RERE: variants seen among roughly 807,000 people sequenced by gnomAD.
RERE encodes arginine-glutamic acid dipeptide repeats.
In RERE, 40 loss-of-function variants were observed where a neutral mutation model predicts 146.1. That is an observed-to-expected ratio of 0.27 (90% CI 0.21 to 0.36). The LOEUF is 0.36. Ranked by LOEUF, RERE falls within the 10% of genes least tolerant of loss-of-function variation. The probability of loss-of-function intolerance (pLI) is 1.00; values close to 1 mark genes in which losing one functional copy is unlikely to be tolerated. For synonymous variants in RERE, 1,003 were observed against 866.0 expected (o/e 1.16, Z -2.78); for missense variants, 1,933 against 2,138.7 (o/e 0.90, Z 1.90).
chr1:8,737,322 G>C (rs1461231064), intron 1 of RERE, among the ~76,000 whole-genome samples: 3 of 152,166 alleles, frequency 2.0e-5, no homozygotes, highest in Non-Finnish European at 4.4e-5. Flanking sequence ...AGAGAAAAAG[G>C]AAAATAACAT....
chr1:8,683,438 G>A (rs1010322994), intron 1 of RERE, among the ~76,000 whole-genome samples: 3 of 152,032 alleles, frequency 2.0e-5, no homozygotes, highest in African/African-American at 2.4e-5. Flanking sequence ...GAGAAAAGAC[G>A]GGGAGGGATG....
At chr1:8,732,944 C>G (rs1406288587) in intron 1 of RERE, among the ~76,000 whole-genome samples, 1 of 150,952 alleles carries the variant, frequency 6.6e-6, no homozygotes, top group African/African-American at 2.4e-5. Flanking sequence ...GCCTCAGCCT[C>G]CCGAGTAGCT....
chr1:8,547,086 TTA>T (rs1491385081), intron 6 of RERE, among the ~76,000 whole-genome samples: 19 of 109,768 alleles, frequency 1.7e-4, no homozygotes, highest in African/African-American at 2.7e-4. Context: ...AGCTTTTTTT[TTA>T]AAAAAAAAAA....
intron 11 of RERE, chr1:8,429,796 A>T (rs1485085655): frequency 6.6e-6 from 1 of 152,598 alleles, no homozygotes; most frequent in African/African-American, 2.4e-5. Flanking sequence ...TTCTGCACAA[A>T]ATTTTATGTT....
chr1:8,685,545 C>T (rs1639067513), intron 1 of RERE, among the ~76,000 whole-genome samples: 1 of 152,116 alleles, frequency 6.6e-6, no homozygotes, highest in African/African-American at 2.4e-5. Flanking sequence ...CACGGTGAAA[C>T]CCTGTCTCTA....
intron 2 of RERE, among the ~76,000 whole-genome samples, chr1:8,653,372 T>C (rs1031631609): frequency 1.3e-5 from 2 of 152,204 alleles, no homozygotes; most frequent in African/African-American, 4.8e-5. Flanking sequence ...AATAAAAAAG[T>C]AAATCTTTCC....
At chr1:8,444,229 CA>C (rs1308418219) in intron 11 of RERE, among the ~76,000 whole-genome samples, 1 of 152,250 alleles carries the variant, frequency 6.6e-6, no homozygotes, top group Non-Finnish European at 1.5e-5. Flanking sequence ...CAAATGGAGT[CA>C]AGGGCTATTT....
At chr1:8,606,713 A>G (rs1326089129) in intron 4 of RERE, among the ~76,000 whole-genome samples, 1 of 152,208 alleles carries the variant, frequency 6.6e-6, no homozygotes, top group African/African-American at 2.4e-5. Context: ...TGTTTCTTGA[A>G]AATAGGTTAC....
chr1:8,579,391 C>T (rs1383271399), intron 4 of RERE, among the ~76,000 whole-genome samples: 1 of 152,120 alleles, frequency 6.6e-6, no homozygotes. Flanking sequence ...TAAAAATTAG[C>T]TATAGAGGGA....
intron 4 of RERE, among the ~76,000 whole-genome samples, chr1:8,575,534 AATATATAT>A (rs67724601): frequency 6.1e-5 from 7 of 114,074 alleles, no homozygotes; most frequent in South Asian, 2.9e-4. Context: ...TGGCTAATTT[AATATATAT>A]ATATATATAT....
At chr1:8,547,212 A>G (rs958162156) in intron 6 of RERE, among the ~76,000 whole-genome samples, 1 of 152,306 alleles carries the variant, frequency 6.6e-6, no homozygotes, top group East Asian at 1.9e-4. Context: ...CACATAGACA[A>G]TAGAACAACA....
At chr1:8,676,318 G>T (rs899133757) in intron 1 of RERE, among the ~76,000 whole-genome samples, 1 of 152,076 alleles carries the variant, frequency 6.6e-6, no homozygotes, top group Non-Finnish European at 1.5e-5. Context: ...TACTGATGGG[G>T]TTTCAGAAAA....
At chr1:8,532,434 A>AG (rs1645668433) in intron 7 of RERE, among the ~76,000 whole-genome samples, 1 of 102,230 alleles carries the variant, frequency 9.8e-6, no homozygotes, top group Non-Finnish European at 2.1e-5. Context: ...GGGTCCGGGG[A>AG]GGGGGGAGAC....
At chr1:8,562,110 A>G (rs1338790518) in intron 4 of RERE, among the ~76,000 whole-genome samples, 1 of 152,210 alleles carries the variant, frequency 6.6e-6, no homozygotes, top group Non-Finnish European at 1.5e-5. Flanking sequence ...AAAATGTCAG[A>G]TATTACTATC....
rs1443065647 is a variant in RERE at position 8,364,597 on chromosome 1, A to G, written c.1540+149T>C. 1.5e-6 allele frequency: 1 copy of G among 669,552 alleles called. No individual in the cohort carries two copies. The highest frequency in any genetic ancestry group is 2.2e-5 in the Admixed American group (1 of 45,718). 41.5% of individuals were successfully genotyped at this position (669,552 alleles called of 1,614,324 possible). On this transcript the variant is annotated intron_variant, in intron 14 of 22. Coordinates refer to ENST00000400908, the MANE Select transcript of RERE (RefSeq NM_001042681.2). The surrounding 1 kb of genome is among the most constrained non-coding windows in gnomAD (Gnocchi z 5.1). ...AGCAGAGGAGTAAAGTAAACTAAACATTTCTAACTTTCTCGAATCCCGAAG... is the reference window on the plus strand; with the variant it reads ...AGCAGAGGAGTAAAGTAAACTAAACGTTTCTAACTTTCTCGAATCCCGAAG...
intron 2 of RERE, among the ~76,000 whole-genome samples, chr1:8,654,001 T>C (rs1260084966): frequency 6.6e-6 from 1 of 151,994 alleles, no homozygotes; most frequent in Non-Finnish European, 1.5e-5. Context: ...TGAATGCAAA[T>C]TTGTCTGTAT....
intron 2 of RERE, among the ~76,000 whole-genome samples, chr1:8,651,716 T>C (rs1647640043): frequency 6.7e-6 from 1 of 148,782 alleles, no homozygotes; most frequent in African/African-American, 2.5e-5. Flanking sequence ...AGCAATACCC[T>C]GTCTCAAAAG....
At chr1:8,416,335 C>A (rs762472305) in intron 12 of RERE, among the ~76,000 whole-genome samples, 1 of 152,078 alleles carries the variant, frequency 6.6e-6, no homozygotes, top group Non-Finnish European at 1.5e-5. Context: ...CCTGTAATCC[C>A]AGCACTTTGG....
intron 2 of RERE, among the ~76,000 whole-genome samples, chr1:8,649,353 A>G (rs1382788051): frequency 6.6e-6 from 1 of 152,200 alleles, no homozygotes; most frequent in African/African-American, 2.4e-5. Flanking sequence ...ACAGACTTCC[A>G]GAAGTCTTAT....
Sources: allele counts gnomAD v4.1 joint callset (sites outside exome capture counted in the v4.1 genomes callset), GRCh38; gene constraint gnomAD v4.1.1; non-coding constraint Gnocchi (gnomAD v3.1); transcripts MANE v1.5; gene names NCBI Gene and HGNC (gene_info 2026-07-23, HGNC 2026-07-21).